Variants in MAPK4 observed in about 807,000 individuals in gnomAD.
The protein encoded by MAPK4 is mitogen-activated protein kinase 4.
In MAPK4, 22 loss-of-function variants were observed where a neutral mutation model predicts 47.7. That is an observed-to-expected ratio of 0.46 (90% confidence interval 0.33 to 0.66). The LOEUF (loss-of-function observed/expected upper bound fraction) is 0.66. Ranked by LOEUF, MAPK4 falls within the 30% of genes least tolerant of loss-of-function variation. The probability of loss-of-function intolerance (pLI) is 0.02; values close to 1 mark genes in which losing one functional copy is unlikely to be tolerated. For synonymous variants in MAPK4, 390 were observed against 365.7 expected (o/e 1.07, Z -0.76); for missense variants, 736 against 831.7 (o/e 0.88, Z 1.42).
At chr18:50,591,551 G>T (rs1477986627) in intron 1 of MAPK4, among the ~76,000 whole-genome samples, 1 of 150,310 alleles carries the variant, frequency 6.7e-6, no homozygotes, top group Non-Finnish European at 1.5e-5. Context: ...TAGTGTGGCC[G>T]AGGGGCAGCC....
In MAPK4 at chr18:50,729,383, G is replaced by A. The variant is rs772257408; in HGVS notation, c.1293G>A (p.Lys431=). The change falls in exon 6 of 6, where the codon AAG becomes AAA. Residue 431 remains lysine (K), a synonymous_variant. Transcript: ENST00000400384. ...EADYGRSCDY[K]VGSPSYLDKL... ...ACTACGGGCGCTCCTGCGACTACAA[G>A]GTGGGGTCGCCGTCCTACCTGGACA... is the stretch of plus-strand genomic sequence containing the variant. 2 of 1,569,478 alleles carry A rather than the reference G, an allele frequency of 1.3e-6. No individual in the cohort carries two copies. Among genetic ancestry groups the A allele is most frequent in the Middle Eastern group, 1.7e-4 (1 of 6,018 alleles).
intron 4 of MAPK4, 145 bp downstream of exon 4, chr18:50,722,244 C>A: frequency 2.2e-6 from 2 of 908,154 alleles, no homozygotes; most frequent in Non-Finnish European, 3.2e-6. Context: ...GCCAGTGGGC[C>A]TTTGCCCTAA....
intron 2 of MAPK4, among the ~76,000 whole-genome samples, chr18:50,700,100 G>C (rs1256385852): frequency 6.6e-6 from 1 of 152,130 alleles, no homozygotes; most frequent in Non-Finnish European, 1.5e-5. Context: ...CCACCCCCTG[G>C]AAGTTGGGCT....
At chr18:50,720,668 C>T (rs1910889394) in intron 3 of MAPK4, among the ~76,000 whole-genome samples, 1 of 152,146 alleles carries the variant, frequency 6.6e-6, no homozygotes, top group Admixed American at 6.5e-5. Flanking sequence ...GGAGCAAGGT[C>T]CCACCATCTC....
intron 1 of MAPK4, among the ~76,000 whole-genome samples, chr18:50,588,457 A>G (rs1432883487): frequency 6.6e-6 from 1 of 152,242 alleles, no homozygotes; most frequent in Admixed American, 6.5e-5. Flanking sequence ...TGGGCTCAAA[A>G]GCCCCAGAAT....
rs190624387 is a variant in MAPK4, at chr18:50,608,178, G to C, written c.-871+47935G>C. On this transcript the variant is annotated intron_variant, in intron 1 of 5. Transcript: ENST00000400384. Reference sequence around the variant, plus strand: ...ACTGTTTTGACTGAGGATCATGGTGGATAATGTTTACTCATTCTCCCCCTG... The same window carrying C: ...ACTGTTTTGACTGAGGATCATGGTGCATAATGTTTACTCATTCTCCCCCTG... Among the ~76,000 whole-genome samples, 201 of 152,262 alleles carry C rather than the reference G, an allele frequency of 1.3e-3. 2 individuals carry two copies. The highest frequency in any genetic ancestry group is 7.7e-4 in the East Asian group (4 of 5,190).
chr18:50,638,510 C>T (rs936637139), intron 1 of MAPK4, among the ~76,000 whole-genome samples: 5 of 152,180 alleles, frequency 3.3e-5, no homozygotes, highest in East Asian at 3.8e-4. Flanking sequence ...TGAAGGTTTC[C>T]GTATTTACTG....
chr18:50,626,891 GC>G (rs1041789512), intron 1 of MAPK4, among the ~76,000 whole-genome samples: 1 of 152,204 alleles, frequency 6.6e-6, no homozygotes, highest in African/African-American at 2.4e-5. Flanking sequence ...TGTCAAGGGA[GC>G]CCCTCTGCTC....
At chr18:50,566,469 A>G (rs1052272530) in intron 1 of MAPK4, among the ~76,000 whole-genome samples, 1 of 152,228 alleles carries the variant, frequency 6.6e-6, no homozygotes, top group Non-Finnish European at 1.5e-5. Context: ...AGCTCACCCC[A>G]TCCCCTTGAC....
At chr18:50,693,097 G>A (rs1968504) in intron 2 of MAPK4, among the ~76,000 whole-genome samples, 147,240 of 152,122 alleles carry the variant, frequency 0.97, 71,422 homozygotes, top group East Asian at 1. Context: ...CTCTACTAAA[G>A]AAAATACAAA....
rs138011024 is a variant in MAPK4 at position 50,684,276 on chromosome 18, G to A, written c.546+19772G>A. Among the ~76,000 whole-genome samples the A allele has an allele frequency of 2.0e-5, 3 of 152,328 alleles. No individual in the cohort carries two copies. In the East Asian group the frequency reaches 5.8e-4, roughly 29 times the overall value. Reference sequence around the variant, plus strand: ...AAGAAGAGCTTTGACCAGGCGTGATGACTCACATCTATAATCCTAGTGCTT... The same window carrying A: ...AAGAAGAGCTTTGACCAGGCGTGATAACTCACATCTATAATCCTAGTGCTT... On this transcript the variant is annotated intron_variant, in intron 2 of 5. Coordinates refer to ENST00000400384, the MANE Select transcript of MAPK4 (RefSeq NM_002747.4).
At chr18:50,688,314 G>A (rs150783742) in intron 2 of MAPK4, among the ~76,000 whole-genome samples, 2 of 152,268 alleles carry the variant, frequency 1.3e-5, no homozygotes, top group Non-Finnish European at 2.9e-5. Flanking sequence ...GGCACAGACG[G>A]CCCCAAAAGC....
At chr18:50,673,813 G>A (rs1057079568) in intron 2 of MAPK4, among the ~76,000 whole-genome samples, 1 of 152,238 alleles carries the variant, frequency 6.6e-6, no homozygotes, top group African/African-American at 2.4e-5. Flanking sequence ...CCGAGATTGT[G>A]CCACTGCACT....
At chr18:50,598,753 G>A (rs2149370980) in intron 1 of MAPK4, among the ~76,000 whole-genome samples, 1 of 152,300 alleles carries the variant, frequency 6.6e-6, no homozygotes, top group African/African-American at 2.4e-5. Context: ...CCTCCGCTCT[G>A]AGTTTCTTGG....
At chr18:50,564,300 G>A (rs1267285860) in intron 1 of MAPK4, among the ~76,000 whole-genome samples, 1 of 152,204 alleles carries the variant, frequency 6.6e-6, no homozygotes, top group Non-Finnish European at 1.5e-5. Flanking sequence ...CACTATTGAT[G>A]TTATGGGCCA....
Position 50,579,027 on chromosome 18 carries a change from A to T in MAPK4, c.-871+18784A>T, listed in dbSNP as rs113254223. Among the ~76,000 whole-genome samples the T allele has an allele frequency of 9.3e-3, 1,409 of 152,202 alleles. 24 individuals carry two copies. The highest frequency in any genetic ancestry group is 0.032 in the African/African-American group (1,333 of 41,516). On this transcript the variant is annotated intron_variant, in intron 1 of 5. Coordinates refer to ENST00000400384, the MANE Select transcript of MAPK4 (RefSeq NM_002747.4). Reference sequence around the variant, plus strand: ...ATGGCTTATGATAACTGGGGTAAAGAATTGGATGAGGAGGGGCAGCTTAGT... The same window carrying T: ...ATGGCTTATGATAACTGGGGTAAAGTATTGGATGAGGAGGGGCAGCTTAGT...
At position 50,729,502 on chromosome 18, in the gene MAPK4, C is replaced by A. The variant is rs566180692; in HGVS notation, c.1412C>A (p.Pro471His). 9.3e-5 allele frequency: 135 copies of A among 1,455,162 alleles called. 1 individual carries two copies. In the South Asian group the frequency reaches 1.7e-3, roughly 19 times the overall value. 90.1% of individuals were successfully genotyped at this position (1,455,162 alleles called of 1,614,324 possible). ...SHWKQAAGAPPTATGLADTGA... is the reference protein window; with the variant it reads ...SHWKQAAGAPHTATGLADTGA... ...TGGAAGCAGGCGGCCGGCGCGCCCC[C>A]CACGGCCACGGGGCTGGCGGACACG... is the stretch of plus-strand genomic sequence containing the variant. Residue 471 changes from proline to histidine, a missense_variant, in exon 6 of 6, where the codon CCC becomes CAC. Pro to His is a moderately conservative substitution (Grantham distance 77, BLOSUM62 -2). Around this residue, in one of 3 missense-constraint regions of MAPK4, gnomAD observed 377 missense variants for 378.6 expected, o/e 1.00. Transcript: ENST00000400384.
At chr18:50,620,572 A>G (rs1273234367) in intron 1 of MAPK4, among the ~76,000 whole-genome samples, 1 of 152,112 alleles carries the variant, frequency 6.6e-6, no homozygotes, top group Non-Finnish European at 1.5e-5. Context: ...CAGACAGTTA[A>G]ATATGAAAAC....
chr18:50,655,774 C>G (rs1289745984), intron 1 of MAPK4, among the ~76,000 whole-genome samples: 4 of 152,176 alleles, frequency 2.6e-5, no homozygotes, highest in African/African-American at 9.7e-5. Flanking sequence ...CCTTGAACCC[C>G]TGCTTTTAGC....
Sources: gnomAD v4.1 joint callset for allele counts (sites outside exome capture counted in the v4.1 genomes callset) on GRCh38, gnomAD v4.1.1 for gene constraint, gnomAD v4.1.1 regional missense constraint, MANE v1.5 for transcripts, NCBI Gene and HGNC (gene_info 2026-07-23, HGNC 2026-07-21) for gene names.